ADCY9: variants seen among roughly 807,000 people sequenced by gnomAD.
ADCY9 encodes adenylate cyclase 9, also known as adenylate cyclase type 9.
Under a neutral mutation model 101.5 loss-of-function variants are expected in ADCY9, and 50 were observed. The ratio of observed to expected loss-of-function variants is 0.49; its 90% CI spans 0.39 to 0.62. The LOEUF is 0.62. ADCY9 is among the 20% of genes least tolerant of loss of function. ADCY9 has a pLI of 0.00. For synonymous variants in ADCY9, 905 were observed against 769.3 expected (o/e 1.18, Z -2.92); for missense variants, 1,662 against 1,800.4 (o/e 0.92, Z 1.39).
chr16:4,103,035 T>C (rs1415444311), intron 2 of ADCY9, among the ~76,000 whole-genome samples: 1 of 152,224 alleles, frequency 6.6e-6, no homozygotes, highest in African/African-American at 2.4e-5. Flanking sequence ...TGATGGTCTT[T>C]ATCACACACT....
chr16:3,968,527 C>T (rs995093235), intron 10 of ADCY9, among the ~76,000 whole-genome samples: 1 of 152,170 alleles, frequency 6.6e-6, no homozygotes, highest in South Asian at 2.1e-4. Flanking sequence ...TTTGACAAGA[C>T]GCCATCTCCC....
At chr16:4,018,951 T>TTGTGTG (rs58093859) in intron 2 of ADCY9, among the ~76,000 whole-genome samples, 18 of 138,832 alleles carry the variant, frequency 1.3e-4, no homozygotes, top group African/African-American at 7.9e-5. Flanking sequence ...AGAATCGCAG[T>TTGTGTG]TGTGTGTGTG....
intron 2 of ADCY9, among the ~76,000 whole-genome samples, chr16:4,110,429 C>T (rs1044892251): frequency 7.1e-6 from 1 of 140,772 alleles, no homozygotes; most frequent in African/African-American, 2.6e-5. Flanking sequence ...TAGGCTGTCG[C>T]CCAGGCTGGA....
At chr16:4,015,831 G>A (rs549622997) in intron 2 of ADCY9, 2 of 152,270 alleles carry the variant, frequency 1.3e-5, no homozygotes, top group South Asian at 2.1e-4. Context: ...GCCAGCTGTG[G>A]TGGCAGGTGC....
intron 2 of ADCY9, among the ~76,000 whole-genome samples, chr16:4,055,465 T>C (rs1432093207): frequency 1.4e-5 from 2 of 146,820 alleles, no homozygotes; most frequent in African/African-American, 5.1e-5. Context: ...ACCCAGGAGG[T>C]AGAGGTTGCA....
At chr16:4,027,747 C>G (rs956431966) in intron 2 of ADCY9, among the ~76,000 whole-genome samples, 1 of 151,990 alleles carries the variant, frequency 6.6e-6, no homozygotes, top group Non-Finnish European at 1.5e-5. Flanking sequence ...TGTGGTGGTC[C>G]ATGCCTGTAA....
At chr16:4,034,636 G>A (rs943722607) in intron 2 of ADCY9, among the ~76,000 whole-genome samples, 1 of 152,078 alleles carries the variant, frequency 6.6e-6, no homozygotes, top group Non-Finnish European at 1.5e-5. Context: ...CCAGGCTGGT[G>A]TCAAACTCCT....
At chr16:4,010,562 G>A (rs989741522) in intron 2 of ADCY9, among the ~76,000 whole-genome samples, 2 of 152,218 alleles carry the variant, frequency 1.3e-5, no homozygotes, top group Non-Finnish European at 2.9e-5. Flanking sequence ...ACTGATGGGT[G>A]CAGGGACGAT....
At chr16:4,034,105 T>C (rs1369477389) in intron 2 of ADCY9, among the ~76,000 whole-genome samples, 1 of 152,104 alleles carries the variant, frequency 6.6e-6, no homozygotes, top group Non-Finnish European at 1.5e-5. Flanking sequence ...AGCCTGCAGA[T>C]CAGAGACCAC....
In ADCY9 at chr16:4,016,486, C is replaced by T. The variant is rs186425734; in HGVS notation, c.1694-8928G>A. On this transcript the variant is annotated intron_variant, in intron 2 of 10. Coordinates refer to ENST00000294016, the MANE Select transcript of ADCY9 (RefSeq NM_001116.4). ...GGTCAGGTCACACCTGCAGCAGGGA[C>T]GGGGGTCCCAGACCGTGTTCTTGTC... Among the ~76,000 whole-genome samples, 349 of 152,216 alleles carry T rather than the reference C, an allele frequency of 2.3e-3. 2 individuals carry two copies. The highest frequency in any genetic ancestry group is 0.017 in the Middle Eastern group (5 of 294).
chr16:4,007,328 A>G, intron 3 of ADCY9, 40 bp downstream of exon 3: 1 of 1,478,068 alleles, frequency 6.8e-7, no homozygotes, highest in East Asian at 2.3e-5. Context: ...GAATTAATAG[A>G]AAGTTTTAGA....
chr16:3,973,006 C>A (rs2056065678), intron 10 of ADCY9, among the ~76,000 whole-genome samples: 1 of 152,062 alleles, frequency 6.6e-6, no homozygotes, highest in Non-Finnish European at 1.5e-5. Flanking sequence ...TTCATTATAT[C>A]CTAAGTATAA....
intron 3 of ADCY9, among the ~76,000 whole-genome samples, chr16:4,001,672 CCA>C (rs1487478422): frequency 6.6e-6 from 1 of 152,188 alleles, no homozygotes; most frequent in Non-Finnish European, 1.5e-5. Context: ...CCTCAGCCTC[CCA>C]GGTAGCTGGG....
At chr16:4,016,552 G>T (rs902324431) in intron 2 of ADCY9, among the ~76,000 whole-genome samples, 3 of 152,120 alleles carry the variant, frequency 2.0e-5, no homozygotes, top group African/African-American at 7.2e-5. Flanking sequence ...TCTAAGAGGT[G>T]CTGATTCAAG....
chr16:4,110,265 T>A (rs375618076), intron 2 of ADCY9, among the ~76,000 whole-genome samples: 1 of 152,102 alleles, frequency 6.6e-6, no homozygotes, highest in Non-Finnish European at 1.5e-5. Flanking sequence ...AACACCTTTA[T>A]TGAAGAGGCA....
Position 3,963,621 on chromosome 16 carries a change from G to A in ADCY9, c.*2154C>T, listed in dbSNP as rs2055960161. ...CACCTTTGTGGTTGGGGAAGGAAAT[G>A]GGCTTGATGGGGAAGAAGTGTGTGC... is the stretch of plus-strand genomic sequence containing the variant. On this transcript the variant is annotated 3_prime_UTR_variant, in exon 11 of 11. Transcript: ENST00000294016. The A allele has an allele frequency of 5.9e-6, 2 of 341,836 alleles. No individual in the cohort carries two copies. Among genetic ancestry groups the A allele is most frequent in the Non-Finnish European group, 1.1e-5 (2 of 190,290 alleles). The allele number at this position is 341,836 out of a possible 1,614,324, so 21.2% of individuals were successfully genotyped here.
At chr16:3,995,606 T>A (rs1208437490) in intron 3 of ADCY9, among the ~76,000 whole-genome samples, 2,171 of 149,514 alleles carry the variant, frequency 0.015, 31 homozygotes, top group African/African-American at 0.042. Flanking sequence ...GAAATATATT[T>A]TTTTTTTTTT....
intron 2 of ADCY9, among the ~76,000 whole-genome samples, chr16:4,066,911 A>G (rs1325716455): frequency 6.6e-6 from 1 of 152,240 alleles, no homozygotes; most frequent in Non-Finnish European, 1.5e-5. Context: ...AAAAAGATTT[A>G]CTTTTCCATA....
At chr16:4,070,633 T>A (rs149811509) in intron 2 of ADCY9, among the ~76,000 whole-genome samples, 2 of 151,804 alleles carry the variant, frequency 1.3e-5, no homozygotes, top group Non-Finnish European at 2.9e-5. Flanking sequence ...CTGGGCAACA[T>A]AGAGAGATCC....
Sources: gnomAD v4.1 joint callset for allele counts (sites outside exome capture counted in the v4.1 genomes callset) on GRCh38, gnomAD v4.1.1 for gene constraint, MANE v1.5 for transcripts, NCBI Gene and HGNC (gene_info 2026-07-23, HGNC 2026-07-21) for gene names.